PCBP3: variants seen among roughly 807,000 people sequenced by gnomAD.
PCBP3 encodes poly(rC) binding protein 3, also known as poly(rC)-binding protein 3.
In PCBP3, 25 loss-of-function variants were observed where a neutral mutation model predicts 52.7. The ratio of observed to expected loss-of-function variants is 0.47; its 90% CI spans 0.35 to 0.66. PCBP3 has a LOEUF of 0.66. Among genes scored for constraint, PCBP3 ranks in the 30% least tolerant of loss-of-function variants. PCBP3 has a pLI of 0.01. For synonymous variants in PCBP3, 162 were observed against 183.0 expected, an observed-to-expected ratio of 0.89 and a Z score of 0.93; for missense variants, 391 against 490.3, an observed-to-expected ratio of 0.80 and a Z score of 1.91.
chr21:45,760,796 TC>T (rs767648215), intron 4 of PCBP3: 3 of 152,148 alleles, frequency 2.0e-5, no homozygotes, highest in African/African-American at 7.2e-5. Context: ...ATTTAAAAGT[TC>T]CATTGAGGCC....
rs2091513183 is a variant in PCBP3 at position 45,791,079 on chromosome 21, C to T, written c.-126+35627C>T. Among the ~76,000 whole-genome samples, 1 of 152,084 alleles carries T rather than the reference C, an allele frequency of 6.6e-6. No homozygotes were observed. The highest frequency in any genetic ancestry group is 2.4e-5 in the African/African-American group (1 of 41,406). On this transcript the variant is annotated intron_variant, in intron 4 of 17. Transcript: ENST00000681687. The surrounding 1 kb of genome is among the most constrained non-coding windows in gnomAD (Gnocchi z 4.2). ...GGCTCAGTAGAGGGGCTGGCTGGCC[C>T]ACCGAGGCCAGCATCTTGCAGTGGC...
intron 2 of PCBP3, among the ~76,000 whole-genome samples, chr21:45,722,708 A>G (rs1012498755): frequency 6.6e-6 from 1 of 152,144 alleles, no homozygotes; most frequent in Non-Finnish European, 1.5e-5. Context: ...AAAAATGTAT[A>G]TAGGTAAATG....
chr21:45,680,071 A>G (rs2081739884), intron 2 of PCBP3, among the ~76,000 whole-genome samples: 1 of 152,200 alleles, frequency 6.6e-6, no homozygotes, highest in African/African-American at 2.4e-5. Context: ...GATTTCTTAT[A>G]TCGTTCCATT....
chr21:45,666,891 T>C (rs1440740878), intron 1 of PCBP3, among the ~76,000 whole-genome samples: 1 of 152,130 alleles, frequency 6.6e-6, no homozygotes, highest in Non-Finnish European at 1.5e-5. Context: ...CTTTGTCTTT[T>C]GATAGTTTGA....
chr21:45,807,759 CAA>C (rs375605912), intron 4 of PCBP3, among the ~76,000 whole-genome samples: 1 of 146,830 alleles, frequency 6.8e-6, no homozygotes, highest in African/African-American at 2.5e-5. Context: ...AAAAACAAAA[CAA>C]AAAAAAAACC....
intron 3 of PCBP3, among the ~76,000 whole-genome samples, chr21:45,747,339 G>A (rs1397456331): frequency 1.3e-5 from 2 of 152,228 alleles, no homozygotes; most frequent in African/African-American, 4.8e-5. Flanking sequence ...AATTCAAAAT[G>A]AGATTTGGGT....
intron 3 of PCBP3, among the ~76,000 whole-genome samples, chr21:45,739,335 A>T (rs1368670872): frequency 2.3e-4 from 9 of 38,694 alleles, no homozygotes; most frequent in Admixed American, 3.7e-4. Flanking sequence ...GGCCCCTCCC[A>T]TCTTCAACAG....
chr21:45,927,356 T>TCCCTCCC (rs2075606478), intron 13 of PCBP3, among the ~76,000 whole-genome samples: 1 of 82,948 alleles, frequency 1.2e-5, no homozygotes, highest in African/African-American at 4.9e-5. Flanking sequence ...CCTCCCTCCC[T>TCCCTCCC]CTCGCCTGCC....
At chr21:45,657,290 A>G (rs1009569954) in intron 1 of PCBP3, among the ~76,000 whole-genome samples, 6 of 152,098 alleles carry the variant, frequency 3.9e-5, no homozygotes, top group Admixed American at 1.3e-4. Context: ...TTATAGTTTT[A>G]GCTCTGAAAT....
chr21:45,862,231 A>G (rs999658202), intron 5 of PCBP3, among the ~76,000 whole-genome samples: 4 of 152,064 alleles, frequency 2.6e-5, no homozygotes, highest in African/African-American at 9.7e-5. Flanking sequence ...CAAACATTAC[A>G]TTATTAGTTA....
chr21:45,911,256 G>A (rs951351137), intron 11 of PCBP3: 6 of 624,628 alleles, frequency 9.6e-6, no homozygotes, highest in Non-Finnish European at 1.5e-5. Flanking sequence ...GGCGTCTAGG[G>A]GAGAGCATGT....
intron 4 of PCBP3, among the ~76,000 whole-genome samples, chr21:45,806,565 G>A (rs1213155349): frequency 2.0e-5 from 3 of 151,860 alleles, no homozygotes; most frequent in African/African-American, 4.8e-5. Context: ...TCTCATTTGT[G>A]TAGCACTTTG....
chr21:45,779,850 A>G (rs1411255237), intron 4 of PCBP3, among the ~76,000 whole-genome samples: 6 of 152,218 alleles, frequency 3.9e-5, no homozygotes, highest in African/African-American at 1.4e-4. Context: ...TTTGACTATA[A>G]CAGTACTTGG....
intron 1 of PCBP3, among the ~76,000 whole-genome samples, chr21:45,650,999 T>G (rs746829954): frequency 4.6e-5 from 7 of 152,090 alleles, no homozygotes; most frequent in Non-Finnish European, 8.8e-5. Context: ...TTGTCAATAA[T>G]CTTGAGTGAG....
intron 4 of PCBP3, among the ~76,000 whole-genome samples, chr21:45,765,958 G>A (rs937935869): frequency 6.6e-6 from 1 of 152,228 alleles, no homozygotes; most frequent in African/African-American, 2.4e-5. Context: ...CTGGAAGGAT[G>A]AGTGCAGTAA....
At chr21:45,715,607 A>G (rs973019543) in intron 2 of PCBP3, among the ~76,000 whole-genome samples, 1 of 152,176 alleles carries the variant, frequency 6.6e-6, no homozygotes, top group Non-Finnish European at 1.5e-5. Context: ...CCAGCAATTT[A>G]TGAGTGTTAA....
In PCBP3 at chr21:45,784,335, GCTCTACCTCTAC is replaced by G. The variant is rs1209477660; in HGVS notation, c.-126+28933_-126+28944del. Among the ~76,000 whole-genome samples the G allele has an allele frequency of 3.0e-3, 315 of 105,872 alleles. 1 individual carries two copies. Among genetic ancestry groups the G allele is most frequent in the African/African-American group, 8.5e-3 (178 of 20,838 alleles). The allele number at this position is 105,872 out of a possible 152,430, so 69.5% of individuals were successfully genotyped here. ...CCACCAGGGAATGTTAATAGTGACA[GCTCTACCTCTAC>G]CTCTACCTCTACCTCTACCTCTACC... On this transcript the variant is annotated intron_variant, in intron 4 of 17. Transcript: ENST00000681687.
At position 45,914,046 on chromosome 21, in the gene PCBP3, G is replaced by A. The variant is rs762555913; in HGVS notation, c.675+21G>A. 16 of 1,613,150 alleles carry A rather than the reference G, an allele frequency of 9.9e-6. No individual in the cohort carries two copies. In the East Asian group the frequency reaches 2.5e-4, roughly 25 times the overall value. ...GTCAGGTAAGAGCCGATCCGCTCGC[G>A]GCCTCCACTGCCAACCTCAGCCTTT... On this transcript the variant is annotated intron_variant, in intron 12 of 17. Transcript: ENST00000681687.
intron 4 of PCBP3, among the ~76,000 whole-genome samples, chr21:45,834,734 C>T (rs191068417): frequency 2.4e-4 from 36 of 152,308 alleles, no homozygotes; most frequent in African/African-American, 7.5e-4. Context: ...AGGGGGCCCA[C>T]GAGGGAGGTG....
Sources: gnomAD v4.1 joint callset for allele counts (sites outside exome capture counted in the v4.1 genomes callset) on GRCh38, gnomAD v4.1.1 for gene constraint, Gnocchi (gnomAD v3.1) non-coding constraint, MANE v1.5 for transcripts, NCBI Gene and HGNC (gene_info 2026-07-23, HGNC 2026-07-21) for gene names.